The following MMP16 variants were observed in gnomAD, a reference collection of about 807,000 sequenced individuals.
MMP16 encodes matrix metallopeptidase 16.
A neutral mutation model predicts 67.8 loss-of-function variants in MMP16; 12 were observed. The ratio of observed to expected loss-of-function variants is 0.18; its 90% CI spans 0.11 to 0.29. The LOEUF (loss-of-function observed/expected upper bound fraction) is 0.29, where lower values mean the gene tolerates loss of function less well. Ranked by LOEUF, MMP16 falls within the 10% of genes least tolerant of loss-of-function variation. The pLI is 1.00. For missense variants in MMP16, 475 were observed against 765.7 expected (o/e 0.62, Z 4.48); for synonymous variants, 249 against 255.9 (o/e 0.97, Z 0.26).
At chr8:88,144,401 GTTTAA>G (rs1808258896) in intron 4 of MMP16, among the ~76,000 whole-genome samples, 1 of 151,582 alleles carries the variant, frequency 6.6e-6, no homozygotes, top group Non-Finnish European at 1.5e-5. Flanking sequence ...TAAAATTTTT[GTTTAA>G]TTTATACATG....
chr8:88,182,439 G>A (rs1419808233), intron 3 of MMP16, among the ~76,000 whole-genome samples: 2 of 151,932 alleles, frequency 1.3e-5, no homozygotes, highest in African/African-American at 4.8e-5. Context: ...CAATAAAATT[G>A]CTTATCTTAA....
At position 88,116,679 on chromosome 8, in the gene MMP16, G is replaced by A. The variant is rs772275333; in HGVS notation, c.911C>T (p.Pro304Leu). 8 of 1,613,656 alleles carry A rather than the reference G, an allele frequency of 5.0e-6. 1 individual carries two copies. The South Asian group carries it at 5.5e-5, about 11-fold the overall frequency. Reference protein sequence around the residue: ...DKIPPPTRPLPTVPPHRSIPP... With the variant: ...DKIPPPTRPLLTVPPHRSIPP... ...AATAGAGCGGTGTGGGGGCACTGTCGGTAGAGGTCTTGTAGGTGGAGGAAT... is the reference window on the plus strand; with the variant it reads ...AATAGAGCGGTGTGGGGGCACTGTCAGTAGAGGTCTTGTAGGTGGAGGAAT... The change falls in exon 6 of 10, where the codon CCG becomes CTG. Residue 304 changes from proline (P) to leucine (L), a missense_variant. Pro to Leu is a moderately conservative substitution (Grantham distance 98). Transcript: ENST00000286614.
At chr8:88,271,914 T>C (rs1020894914) in intron 1 of MMP16, among the ~76,000 whole-genome samples, 4 of 152,272 alleles carry the variant, frequency 2.6e-5, no homozygotes, top group Admixed American at 6.5e-5. Context: ...TAAATGGGCG[T>C]TGGAGCTAGA....
intron 1 of MMP16, among the ~76,000 whole-genome samples, chr8:88,247,755 A>G (rs1810142697): frequency 6.6e-6 from 1 of 152,068 alleles, no homozygotes; most frequent in African/African-American, 2.4e-5. Context: ...TTCGCTCCAC[A>G]CTGCTTTGTA....
intron 4 of MMP16, among the ~76,000 whole-genome samples, chr8:88,164,370 AAT>A (rs987984489): frequency 2.6e-5 from 4 of 152,112 alleles, no homozygotes; most frequent in Non-Finnish European, 5.9e-5. Context: ...GTGATACAAA[AAT>A]AGTTTCACAC....
At chr8:88,313,827 C>T (rs759983503) in intron 1 of MMP16, among the ~76,000 whole-genome samples, 2 of 152,152 alleles carry the variant, frequency 1.3e-5, no homozygotes, top group South Asian at 2.1e-4. Flanking sequence ...TCACATCTTA[C>T]ATGGATGGCA....
chr8:88,191,524 T>G (rs1809168716), intron 2 of MMP16, among the ~76,000 whole-genome samples: 1 of 152,132 alleles, frequency 6.6e-6, no homozygotes, highest in Non-Finnish European at 1.5e-5. Flanking sequence ...TCACCTCCCT[T>G]TGACCTGTAT....
intron 1 of MMP16, among the ~76,000 whole-genome samples, chr8:88,200,117 T>C (rs1809318747): frequency 6.6e-6 from 1 of 151,968 alleles, no homozygotes; most frequent in Non-Finnish European, 1.5e-5. Context: ...AGATTTGTCT[T>C]TGGGATAGGG....
chr8:88,223,489 T>G (rs1438007469), intron 1 of MMP16, among the ~76,000 whole-genome samples: 1 of 151,948 alleles, frequency 6.6e-6, no homozygotes, highest in Non-Finnish European at 1.5e-5. Context: ...GTGGCACATA[T>G]ATACCATGGA....
chr8:88,054,713 C>T (rs1412936132), intron 8 of MMP16, among the ~76,000 whole-genome samples: 1 of 152,104 alleles, frequency 6.6e-6, no homozygotes, highest in Non-Finnish European at 1.5e-5. Context: ...TAAAAGTGTA[C>T]ATTCTTATTC....
intron 6 of MMP16, among the ~76,000 whole-genome samples, chr8:88,090,080 T>C (rs1054632118): frequency 2.6e-5 from 4 of 151,978 alleles, no homozygotes; most frequent in Non-Finnish European, 5.9e-5. Context: ...GCTTATTTAG[T>C]TGAGCAAATT....
chr8:88,047,093 TGCTA>T (rs5893037), intron 8 of MMP16, among the ~76,000 whole-genome samples: 45,311 of 151,856 alleles, frequency 0.3, 7,659 homozygotes, highest in East Asian at 0.68. Context: ...GAATAAAAAG[TGCTA>T]GCTAAGTATA....
intron 6 of MMP16, among the ~76,000 whole-genome samples, chr8:88,091,079 G>A (rs1236009741): frequency 1.3e-5 from 2 of 151,678 alleles, no homozygotes; most frequent in Non-Finnish European, 1.5e-5. Context: ...TCTGAAGAGT[G>A]TTTTTAAGAT....
At chr8:88,261,219 A>T (rs370889260) in intron 1 of MMP16, among the ~76,000 whole-genome samples, 2 of 152,166 alleles carry the variant, frequency 1.3e-5, no homozygotes, top group South Asian at 4.1e-4. Flanking sequence ...ACAAGGATCC[A>T]AGAGTAGGTA....
At chr8:88,105,296 A>C (rs571533963) in intron 6 of MMP16, among the ~76,000 whole-genome samples, 2 of 151,420 alleles carry the variant, frequency 1.3e-5, no homozygotes, top group East Asian at 3.9e-4. Flanking sequence ...ATCTTTGTTC[A>C]TTTTAATTTT....
rs760595454 is a variant in MMP16, at chr8:88,058,965, A to G, written c.1223-2687T>C. Among the ~76,000 whole-genome samples the G allele has an allele frequency of 5.9e-5, 9 of 152,096 alleles. No homozygotes were observed. Among genetic ancestry groups the G allele is most frequent in the Admixed American group, 1.3e-4 (2 of 15,248 alleles). ...TGCCAAGGGAAATAAAATAAAGATA[A>G]TATTAAGAATGATCTTCAAGTTCTG... On this transcript the variant is annotated intron_variant, in intron 7 of 9. Transcript: ENST00000286614. This position sits in a 1 kb window ranked among gnomAD's most constrained non-coding sequence, Gnocchi z 4.2.
chr8:88,269,903 T>C (rs1810538838), intron 1 of MMP16, among the ~76,000 whole-genome samples: 1 of 152,254 alleles, frequency 6.6e-6, no homozygotes, highest in African/African-American at 2.4e-5. Context: ...TGCATAACTG[T>C]TTCACAGATT....
chr8:88,300,708 T>C (rs915105544), intron 1 of MMP16, among the ~76,000 whole-genome samples: 2 of 152,204 alleles, frequency 1.3e-5, no homozygotes, highest in Admixed American at 1.3e-4. Context: ...AGGCATCTAC[T>C]AGGGAACTTA....
At chr8:88,108,828 T>C (rs1809285853) in intron 6 of MMP16, among the ~76,000 whole-genome samples, 1 of 151,410 alleles carries the variant, frequency 6.6e-6, no homozygotes, top group African/African-American at 2.4e-5. Context: ...TTTTTTCCAT[T>C]CAAGCTTGGT....
Sources: gnomAD v4.1 joint callset for allele counts (sites outside exome capture counted in the v4.1 genomes callset) on GRCh38, gnomAD v4.1.1 for gene constraint, Gnocchi (gnomAD v3.1) non-coding constraint, MANE v1.5 for transcripts, NCBI Gene and HGNC (gene_info 2026-07-23, HGNC 2026-07-21) for gene names.